The following SRPK2 variants were observed in gnomAD, a reference collection of about 807,000 sequenced individuals.
SRPK2 encodes SFRS protein kinase 2.
SRPK2 carries 21 observed loss-of-function variants against 90.8 expected under a neutral mutation model. The observed-to-expected ratio is 0.23, with a 90% CI of 0.16 to 0.33. The LOEUF is 0.33. Among genes scored for constraint, SRPK2 ranks in the 10% least tolerant of loss-of-function variants. The pLI, the probability that SRPK2 is intolerant of heterozygous loss-of-function variation, is 1.00. For missense variants in SRPK2, 620 were observed against 869.0 expected (o/e 0.71, Z 3.60); for synonymous variants, 288 against 311.1 (o/e 0.93, Z 0.78).
intron 11 of SRPK2, 66 bp downstream of exon 11, chr7:105,141,942 A>C (rs1342136914): frequency 6.5e-7 from 1 of 1,530,302 alleles, no homozygotes; most frequent in South Asian, 1.3e-5. Flanking sequence ...ATTCCTTCAC[A>C]GCATTTGTTA....
At chr7:105,318,444 G>A (rs941322365) in intron 2 of SRPK2, among the ~76,000 whole-genome samples, 9 of 152,202 alleles carry the variant, frequency 5.9e-5, no homozygotes, top group East Asian at 1.9e-4. Context: ...ACAACTACAC[G>A]TTTTTAATTT....
intron 2 of SRPK2, among the ~76,000 whole-genome samples, chr7:105,245,540 A>G (rs140632606): frequency 1.3e-5 from 2 of 152,308 alleles, no homozygotes; most frequent in African/African-American, 4.8e-5. Context: ...CTAGTGAACA[A>G]TATTTGAGGG....
In SRPK2 at chr7:105,232,564, T is replaced by A. The variant is rs182896894; in HGVS notation, c.72-28779A>T. Among the ~76,000 whole-genome samples the A allele has an allele frequency of 5.9e-5, 9 of 151,772 alleles. No homozygotes were observed. The South Asian group carries it at 1.9e-3, about 32-fold the overall frequency. ...ATTTGTACTTAGGATATTATCATTA[T>A]TCAAACACTTGTAATCTAAGTCTCT... On this transcript the variant is annotated intron_variant, in intron 2 of 15. Transcript: ENST00000393651.
intron 2 of SRPK2, among the ~76,000 whole-genome samples, chr7:105,307,031 A>G (rs1294413888): frequency 6.6e-6 from 1 of 152,218 alleles, no homozygotes; most frequent in East Asian, 1.9e-4. Context: ...AGGTGCAGCT[A>G]AACATGTCCT....
chr7:105,398,400 T>TTTA (rs1822386902), intron 1 of SRPK2, among the ~76,000 whole-genome samples: 1 of 150,580 alleles, frequency 6.6e-6, no homozygotes, highest in Non-Finnish European at 1.5e-5. Flanking sequence ...TTTTTTTTTT[T>TTTA]GAGACGGAGT....
chr7:105,297,543 A>G (rs796280091), intron 2 of SRPK2: 3 of 973,128 alleles, frequency 3.1e-6, no homozygotes, highest in South Asian at 9.5e-5. Flanking sequence ...CCTATAAAAG[A>G]TAAGGCACAC....
chr7:105,253,731 G>A (rs567055745), intron 2 of SRPK2, among the ~76,000 whole-genome samples: 33 of 152,246 alleles, frequency 2.2e-4, no homozygotes, highest in Admixed American at 7.8e-4. Context: ...GACCAAAAAG[G>A]TGATTACATT....
chr7:105,315,025 C>A (rs1278348539), intron 2 of SRPK2, among the ~76,000 whole-genome samples: 1 of 152,104 alleles, frequency 6.6e-6, no homozygotes, highest in Non-Finnish European at 1.5e-5. Flanking sequence ...GCCTGGAATC[C>A]CAGCACTCTG....
chr7:105,206,184 T>C (rs901950522), intron 2 of SRPK2, among the ~76,000 whole-genome samples: 1 of 149,508 alleles, frequency 6.7e-6, no homozygotes, highest in Non-Finnish European at 1.5e-5. Context: ...CCATCAAAAA[T>C]GCGTGTAGAC....
At chr7:105,375,563 A>C (rs1160838379) in intron 2 of SRPK2, among the ~76,000 whole-genome samples, 1 of 152,230 alleles carries the variant, frequency 6.6e-6, no homozygotes, top group African/African-American at 2.4e-5. Flanking sequence ...CGATCAAGGT[A>C]ACCTGGAACT....
At chr7:105,177,893 G>A (rs913114959) in intron 3 of SRPK2, among the ~76,000 whole-genome samples, 12 of 151,774 alleles carry the variant, frequency 7.9e-5, no homozygotes, top group Non-Finnish European at 1.8e-4. Context: ...GGTGGGCATA[G>A]TGGCGGGCGC....
intron 2 of SRPK2, among the ~76,000 whole-genome samples, chr7:105,360,534 T>C (rs1485851819): frequency 1.3e-5 from 2 of 152,200 alleles, no homozygotes; most frequent in East Asian, 1.9e-4. Flanking sequence ...TATTTAGTGC[T>C]TCCTTCAGGA....
At chr7:105,255,723 G>A (rs1456146564) in intron 2 of SRPK2, among the ~76,000 whole-genome samples, 1 of 152,172 alleles carries the variant, frequency 6.6e-6, no homozygotes, top group Admixed American at 6.5e-5. Context: ...CCTGAGGTCA[G>A]GAGTTCAAGA....
chr7:105,225,081 AC>A (rs1159904192), intron 2 of SRPK2, among the ~76,000 whole-genome samples: 1 of 152,178 alleles, frequency 6.6e-6, no homozygotes, highest in Non-Finnish European at 1.5e-5. Flanking sequence ...AGTCACAGCT[AC>A]TTGGAAGGCT....
chr7:105,259,328 G>C (rs1803844732), intron 2 of SRPK2, among the ~76,000 whole-genome samples: 1 of 152,144 alleles, frequency 6.6e-6, no homozygotes, highest in African/African-American at 2.4e-5. Context: ...ACTTACAAGG[G>C]ATGTGAAGGA....
At chr7:105,253,112 G>A (rs974515394) in intron 2 of SRPK2, among the ~76,000 whole-genome samples, 3 of 152,088 alleles carry the variant, frequency 2.0e-5, no homozygotes, top group African/African-American at 7.2e-5. Context: ...AAAAAAATAC[G>A]TAAGACTTAA....
intron 2 of SRPK2, among the ~76,000 whole-genome samples, chr7:105,292,106 A>C (rs1186079525): frequency 6.6e-6 from 1 of 152,166 alleles, no homozygotes; most frequent in Non-Finnish European, 1.5e-5. Context: ...AGCTACCAAC[A>C]CTTCAAGGAA....
chr7:105,338,870 C>T (rs1380449023), intron 2 of SRPK2, among the ~76,000 whole-genome samples: 2 of 152,030 alleles, frequency 1.3e-5, no homozygotes, highest in South Asian at 2.1e-4. Context: ...ATAATACCAC[C>T]TGAAAATAAT....
intron 7 of SRPK2, among the ~76,000 whole-genome samples, chr7:105,154,905 C>A (rs1357038085): frequency 2.0e-5 from 3 of 151,972 alleles, no homozygotes; most frequent in Non-Finnish European, 4.4e-5. Context: ...GAACTCCTGA[C>A]CTCATGATCT....
Sources: allele counts gnomAD v4.1 joint callset (sites outside exome capture counted in the v4.1 genomes callset), GRCh38; gene constraint gnomAD v4.1.1; transcripts MANE v1.5; gene names NCBI Gene and HGNC (gene_info 2026-07-23, HGNC 2026-07-21).